The following SYCP1 variants were observed in gnomAD, a reference collection of about 807,000 sequenced individuals.
SYCP1 encodes synaptonemal complex protein 1.
In SYCP1, 64 loss-of-function variants were observed where a neutral mutation model predicts 153.1. The ratio of observed to expected loss-of-function variants is 0.42; its 90% confidence interval spans 0.34 to 0.51. The LOEUF (loss-of-function observed/expected upper bound fraction) is 0.51. Ranked by LOEUF, SYCP1 falls within the 20% of genes least tolerant of loss-of-function variation. The pLI is 0.06. For synonymous variants in SYCP1, 384 were observed against 341.8 expected (o/e 1.12, Z -1.36); for missense variants, 997 against 1,049.0 (o/e 0.95, Z 0.68).
intron 30 of SYCP1, among the ~76,000 whole-genome samples, chr1:114,993,990 T>G (rs1274099041): frequency 1.4e-5 from 2 of 141,604 alleles, no homozygotes; most frequent in Non-Finnish European, 3.2e-5. Context: ...TGTTCTTTTG[T>G]GACCATTTTT....
At chr1:114,902,765 ACCTAAACTC>A in intron 16 of SYCP1, among the ~76,000 whole-genome samples, 2 of 142,636 alleles carry the variant, frequency 1.4e-5, no homozygotes, top group African/African-American at 6.2e-5. Context: ...AGAGCAGTTT[ACCTAAACTC>A]TTGATGCCTC....
chr1:114,855,461 G>C lies in SYCP1; in HGVS notation c.-4G>C, dbSNP rs1295072998. On this transcript the variant is annotated 5_prime_UTR_variant, in exon 2 of 32. Transcript: ENST00000369522. ...AGTAGATATTTACAACCGTAACAGA[G>C]AAAATGGAAAAGCAAAAGCCCTTTG... is the stretch of plus-strand genomic sequence containing the variant. The C allele has an allele frequency of 1.9e-6, 3 of 1,607,320 alleles. No individual in the cohort carries two copies.
intron 5 of SYCP1, 67 bp downstream of exon 5, chr1:114,857,564 A>G (rs1664088887): frequency 8.8e-7 from 1 of 1,134,830 alleles, no homozygotes; most frequent in Non-Finnish European, 1.2e-6. Flanking sequence ...CTATATGTAT[A>G]TTTCTTTTGA....
At chr1:114,977,501 C>T in intron 27 of SYCP1, 56 bp from the exon 28 acceptor site, 1 of 1,043,122 alleles carries the variant, frequency 9.6e-7, no homozygotes, top group Non-Finnish European at 1.4e-6. Flanking sequence ...TGATAATATT[C>T]ATTTGTGATC....
chr1:114,976,506 C>T (rs187525729), intron 27 of SYCP1, among the ~76,000 whole-genome samples: 19 of 151,790 alleles, frequency 1.3e-4, no homozygotes, highest in South Asian at 2.1e-4. Context: ...GATCTCCAGA[C>T]GAGGAAAAGT....
intron 8 of SYCP1, among the ~76,000 whole-genome samples, chr1:114,872,142 G>A (rs1665191505): frequency 6.6e-6 from 1 of 151,338 alleles, no homozygotes; most frequent in Admixed American, 6.6e-5. Flanking sequence ...GAGACCAGCT[G>A]TTGCTCTTTT....
At chr1:114,935,755 A>G (rs1421513123) in intron 23 of SYCP1, among the ~76,000 whole-genome samples, 2 of 152,216 alleles carry the variant, frequency 1.3e-5, no homozygotes, top group Non-Finnish European at 2.9e-5. Flanking sequence ...ACAAACTACC[A>G]TCAGAGAATA....
intron 27 of SYCP1, among the ~76,000 whole-genome samples, chr1:114,960,799 A>G (rs1289747868): frequency 1.3e-5 from 2 of 151,988 alleles, no homozygotes; most frequent in African/African-American, 4.8e-5. Flanking sequence ...CATCAGGGAT[A>G]TTTGTCTGTA....
chr1:114,913,953 A>G (rs772222507), intron 19 of SYCP1, 22 bp from the exon 20 acceptor site: 1 of 1,476,940 alleles, frequency 6.8e-7, no homozygotes, highest in South Asian at 1.3e-5. Context: ...AATAATTGAT[A>G]TAAACAACAT....
chr1:114,969,330 G>A (rs1672332176), intron 27 of SYCP1, among the ~76,000 whole-genome samples: 1 of 152,140 alleles, frequency 6.6e-6, no homozygotes, highest in South Asian at 2.1e-4. Context: ...TCTCAGAGAT[G>A]CCCTGCCCAG....
chr1:114,882,855 A>G (rs1164647874), intron 12 of SYCP1, among the ~76,000 whole-genome samples: 1 of 152,128 alleles, frequency 6.6e-6, no homozygotes, highest in Non-Finnish European at 1.5e-5. Context: ...CTGGGCTGCA[A>G]ATCTGCCTGT....
intron 16 of SYCP1, among the ~76,000 whole-genome samples, chr1:114,909,872 T>C (rs959139983): frequency 2.0e-5 from 3 of 152,190 alleles, no homozygotes; most frequent in Non-Finnish European, 2.9e-5. Flanking sequence ...CTGGCTTTCT[T>C]GTTTTTAGGT....
rs761290296 is a variant in SYCP1, at chr1:114,895,474, AAAG to A, written c.1289_1291del (p.Glu430del). Reference sequence around the variant, plus strand: ...AGAGATGACTAAGCTTACAAATAACAAAGAAGTAGAACTTGAAGAATTGAAAAA... The same window carrying A: ...AGAGATGACTAAGCTTACAAATAACAAAGTAGAACTTGAAGAATTGAAAAA... On this transcript the variant is annotated inframe_deletion, in exon 16 of 32. Transcript: ENST00000369522. 9 of 1,532,048 alleles carry A rather than the reference AAAG, an allele frequency of 5.9e-6. No homozygotes were observed. Among genetic ancestry groups the A allele is most frequent in the Middle Eastern group, 1.7e-4 (1 of 5,840 alleles). The allele number at this position is 1,532,048 out of a possible 1,614,324, so 94.9% of individuals were successfully genotyped here.
chr1:114,962,479 T>A (rs1442446154), intron 27 of SYCP1, among the ~76,000 whole-genome samples: 1 of 152,244 alleles, frequency 6.6e-6, no homozygotes, highest in East Asian at 1.9e-4. Context: ...GAATAACTAT[T>A]CTTGCCTGCT....
In SYCP1 at chr1:114,895,513, A is replaced by G. The variant is rs746631666; in HGVS notation, c.1320+4A>G. The G allele has an allele frequency of 6.8e-7, 1 of 1,460,912 alleles. No homozygotes were observed. The highest frequency in any genetic ancestry group is 9.3e-7 in the Non-Finnish European group (1 of 1,073,466). 90.5% of individuals were successfully genotyped at this position (1,460,912 alleles called of 1,614,324 possible). A position where few individuals can be genotyped will look rare whatever the true frequency, so the allele number is the denominator to read the frequency against. On this transcript the variant is annotated splice_donor_region_variant and intron_variant, in intron 16 of 31. Transcript: ENST00000369522. The stretch of plus-strand genomic sequence containing the variant: ...TGAAGAATTGAAAAAAGTCTTGGTA[A>G]GTATAGTCTTTCCTATTAATATATA...
chr1:114,859,950 A>G lies in SYCP1; in HGVS notation c.524+140A>G, dbSNP rs1664264355. 4 of 288,648 alleles carry G rather than the reference A, an allele frequency of 1.4e-5. No individual in the cohort carries two copies. The South Asian group carries it at 2.4e-4, about 17-fold the overall frequency. The allele number at this position is 288,648 out of a possible 1,614,324, so 17.9% of individuals were successfully genotyped here. ...ATAAGTAGAATTATATCTGAGTGCT[A>G]TGGAAAAAGGAAGATGTACATTCTT... On this transcript the variant is annotated intron_variant, in intron 7 of 31. Transcript: ENST00000369522.
At position 114,924,393 on chromosome 1, in the gene SYCP1, A is replaced by AT. The variant is rs1337256917; in HGVS notation, c.1800+867dup. Among the ~76,000 whole-genome samples, 4 of 152,186 alleles carry AT rather than the reference A, an allele frequency of 2.6e-5. No individual in the cohort carries two copies. In the East Asian group the frequency reaches 5.8e-4, roughly 22 times the overall value. On this transcript the variant is annotated intron_variant, in intron 21 of 31. Transcript: ENST00000369522. ...GAGTTAGCCAGCAGGACTACTGTGG[A>AT]TTTTATAGTAGAGGAATTCTTGCAA... is the stretch of plus-strand genomic sequence containing the variant.
intron 12 of SYCP1, among the ~76,000 whole-genome samples, chr1:114,879,069 A>G (rs1438656885): frequency 6.6e-6 from 1 of 152,188 alleles, no homozygotes; most frequent in Non-Finnish European, 1.5e-5. Context: ...CTGGTGTGGC[A>G]ACATCTTATT....
chr1:114,910,499 G>C lies in SYCP1; in HGVS notation c.1423G>C (p.Glu475Gln). The C allele has an allele frequency of 6.5e-7, 1 of 1,547,282 alleles. No individual in the cohort carries two copies. The highest frequency in any genetic ancestry group is 8.7e-7 in the Non-Finnish European group (1 of 1,149,368). ...ACTAATTGGTCTTCTCCAAGCCAGA[G>C]AGGTTTGTTTAAGGAAACATTTTTA... Reference protein sequence around the residue: ...QELIGLLQAREKEVHDLEIQL... With the variant: ...QELIGLLQARQKEVHDLEIQL... Residue 475 changes from glutamate (E) to glutamine (Q), a missense_variant and splice_region_variant, in exon 17 of 32, where the codon GAG (glutamate) becomes CAG (glutamine). Glu to Gln is a conservative substitution (Grantham distance 29). This residue lies in a region of SYCP1 where 712 missense variants were observed against 682.9 expected (regional missense o/e 1.04). Transcript: ENST00000369522.
Sources: allele counts gnomAD v4.1 joint callset (sites outside exome capture counted in the v4.1 genomes callset), GRCh38; gene constraint gnomAD v4.1.1; regional missense constraint gnomAD v4.1.1; transcripts MANE v1.5; gene names NCBI Gene and HGNC (gene_info 2026-07-23, HGNC 2026-07-21).